Variants in ALDH1L2 observed in about 807,000 individuals in gnomAD.
ALDH1L2 encodes the protein mitochondrial 10-formyltetrahydrofolate dehydrogenase.
ALDH1L2 carries 91 observed loss-of-function variants against 111.0 expected under a neutral mutation model. The ratio of observed to expected loss-of-function variants is 0.82; its 90% CI spans 0.69 to 0.98. The LOEUF (loss-of-function observed/expected upper bound fraction) is 0.98. Among genes scored for constraint, ALDH1L2 ranks in the 50% least tolerant of loss-of-function variants. The pLI, the probability that ALDH1L2 is intolerant of heterozygous loss-of-function variation, is 0.00. For missense variants in ALDH1L2, 995 were observed against 1,126.8 expected (o/e 0.88, Z 1.67); for synonymous variants, 374 against 392.6 (o/e 0.95, Z 0.56).
rs373147042 is a variant in ALDH1L2, at chr12:105,036,068, G to A, written c.2146-1670C>T. 1.1e-4 allele frequency among the ~76,000 whole-genome samples: 7 copies of A among 61,894 alleles called. 1 individual carries two copies. Among genetic ancestry groups the A allele is most frequent in the Non-Finnish European group, 1.7e-4 (7 of 40,014 alleles). The allele number at this position is 61,894 out of a possible 152,430, so 40.6% of individuals were successfully genotyped here. A position where few individuals can be genotyped will look rare whatever the true frequency, so the allele number is the denominator to read the frequency against. ...ATGTGTATATATATTATATATATAC[G>A]TATATTTATATATGTGTATATATTA... On this transcript the variant is annotated intron_variant, in intron 18 of 22. Coordinates refer to ENST00000258494, the MANE Select transcript of ALDH1L2 (RefSeq NM_001034173.4).
intron 10 of ALDH1L2, among the ~76,000 whole-genome samples, chr12:105,057,549 A>G (rs1422754761): frequency 1.3e-5 from 2 of 152,230 alleles, no homozygotes; most frequent in Admixed American, 1.3e-4. Context: ...ACTGTGGTAT[A>G]CTTATACAAT....
intron 1 of ALDH1L2, among the ~76,000 whole-genome samples, chr12:105,082,664 A>G (rs1438193721): frequency 6.6e-6 from 1 of 152,246 alleles, no homozygotes; most frequent in African/African-American, 2.4e-5. Context: ...AGAAACATCA[A>G]TAAACAGGTT....
chr12:105,040,507 A>G (rs1875468672), intron 16 of ALDH1L2, 100 bp downstream of exon 16: 3 of 1,053,790 alleles, frequency 2.8e-6, no homozygotes, highest in Non-Finnish European at 4.4e-6. Context: ...TAGTTTTAAT[A>G]CAGTTATAAT....
chr12:105,067,655 G>A (rs1441027307), intron 4 of ALDH1L2, among the ~76,000 whole-genome samples: 1 of 152,024 alleles, frequency 6.6e-6, no homozygotes, highest in Non-Finnish European at 1.5e-5. Context: ...CGAGGCCCAC[G>A]TGAGTTCAAG....
chr12:105,077,647 A>T (rs929315477), intron 1 of ALDH1L2, among the ~76,000 whole-genome samples: 1 of 151,686 alleles, frequency 6.6e-6, no homozygotes, highest in African/African-American at 2.4e-5. Context: ...TTGCTTTCCA[A>T]ATTGTCAAAT....
rs758853950 is a variant in ALDH1L2 at position 105,035,837 on chromosome 12, A to ATGTGTG, written c.2146-1440_2146-1439insCACACA. On this transcript the variant is annotated intron_variant, in intron 18 of 22. Coordinates refer to ENST00000258494, the MANE Select transcript of ALDH1L2 (RefSeq NM_001034173.4). ...ATATATAGTGTGTCTATATATATAT[A>ATGTGTG]TATGTGTGTGTGTGTGTGTGTGTGT... is the stretch of plus-strand genomic sequence containing the variant. Among the ~76,000 whole-genome samples, 19 of 95,640 alleles carry ATGTGTG rather than the reference A, an allele frequency of 2.0e-4. 3 individuals are homozygous for ATGTGTG. The highest frequency in any genetic ancestry group is 7.0e-4 in the African/African-American group (9 of 12,900). 62.7% of individuals were successfully genotyped at this position (95,640 alleles called of 152,430 possible). A position where few individuals can be genotyped will look rare whatever the true frequency, so the allele number is the denominator to read the frequency against.
chr12:105,027,502 G>C (rs977831785), intron 21 of ALDH1L2, among the ~76,000 whole-genome samples: 2 of 152,204 alleles, frequency 1.3e-5, no homozygotes, highest in African/African-American at 4.8e-5. Context: ...GGAGAGTAGG[G>C]TGGTTCTGTG....
chr12:105,030,489 G>T, intron 20 of ALDH1L2, 60 bp from the exon 21 acceptor site: 1 of 1,397,688 alleles, frequency 7.2e-7, no homozygotes, highest in Non-Finnish European at 9.9e-7. Context: ...TCAATTAATA[G>T]TCCTCTCACT....
intron 15 of ALDH1L2, among the ~76,000 whole-genome samples, chr12:105,045,459 A>G (rs2136067137): frequency 6.7e-6 from 1 of 148,874 alleles, no homozygotes; most frequent in African/African-American, 2.5e-5. Flanking sequence ...ATATCTACAT[A>G]TAATAATATA....
At chr12:105,063,102 A>G (rs988423529) in intron 6 of ALDH1L2, 80 bp from the exon 7 acceptor site, 1 of 1,414,964 alleles carries the variant, frequency 7.1e-7, no homozygotes, top group Non-Finnish European at 9.4e-7. Context: ...CATTCTCTGC[A>G]AAAACGCTGA....
intron 10 of ALDH1L2, among the ~76,000 whole-genome samples, chr12:105,056,923 C>A (rs761379410): frequency 6.6e-6 from 1 of 150,998 alleles, no homozygotes. Flanking sequence ...AATTAGACTT[C>A]ATCAAAATTA....
intron 10 of ALDH1L2, among the ~76,000 whole-genome samples, chr12:105,055,800 T>A (rs11613233): frequency 0.39 from 59,541 of 151,284 alleles, 12,882 homozygotes; most frequent in Middle Eastern, 0.62. Flanking sequence ...TAACTGAAAT[T>A]AAAAAATCAC....
intron 2 of ALDH1L2, among the ~76,000 whole-genome samples, chr12:105,072,700 G>A (rs749148660): frequency 8.5e-5 from 13 of 152,202 alleles, no homozygotes; most frequent in Non-Finnish European, 1.3e-4. Context: ...CAGGCAGGGC[G>A]TGGTGGCTCA....
chr12:105,079,581 G>A (rs192109978), intron 1 of ALDH1L2, among the ~76,000 whole-genome samples: 159 of 152,284 alleles, frequency 1.0e-3, no homozygotes, highest in African/African-American at 3.7e-3. Context: ...AGTAAAGGGA[G>A]AGACAGTCCA....
chr12:105,057,767 T>C (rs1251121845), intron 10 of ALDH1L2, among the ~76,000 whole-genome samples: 2 of 152,206 alleles, frequency 1.3e-5, no homozygotes, highest in Non-Finnish European at 2.9e-5. Flanking sequence ...TTTTGGAACA[T>C]TTTTTGTATG....
Position 105,049,960 on chromosome 12 carries a change from C to A in ALDH1L2, c.1634G>T (p.Gly545Val), listed in dbSNP as rs972175034. 27 of 1,612,534 alleles carry A rather than the reference C, an allele frequency of 1.7e-5. No individual in the cohort carries two copies. The highest frequency in any genetic ancestry group is 2.3e-5 in the Non-Finnish European group (27 of 1,179,260). The part of the protein sequence containing the change: ...VYTLALKTHI[G>V]MSVQTFRYFA... ...ATATCTGAATGTTTGCACAGACATT[C>A]CAATGTGTGTCTTCAGGGCCAAGGT... Residue 545 changes from glycine (G) to valine (V), a missense_variant, in exon 13 of 23, where the codon GGA becomes GTA. Transcript: ENST00000258494.
intron 2 of ALDH1L2, among the ~76,000 whole-genome samples, chr12:105,071,847 G>A (rs1565972825): frequency 6.7e-6 from 1 of 149,094 alleles, no homozygotes; most frequent in Admixed American, 6.7e-5. Context: ...AGCACTTTGA[G>A]AGACCAAGGC....
chr12:105,051,933 T>C (rs1876296544), intron 12 of ALDH1L2, among the ~76,000 whole-genome samples, 157 bp downstream of exon 12: 1 of 152,072 alleles, frequency 6.6e-6, no homozygotes, highest in Non-Finnish European at 1.5e-5. Context: ...TACAGGCACG[T>C]GCCACCACTC....
Position 105,022,553 on chromosome 12 carries a change from G to A in ALDH1L2, c.*1871C>T, listed in dbSNP as rs1388170799. 6.6e-6 allele frequency: 1 copy of A among 152,160 alleles called. No individual in the cohort carries two copies. The highest frequency in any genetic ancestry group is 1.5e-5 in the Non-Finnish European group (1 of 68,032). The allele number at this position is 152,160 out of a possible 1,614,324, so 9.4% of individuals were successfully genotyped here. On this transcript the variant is annotated 3_prime_UTR_variant, in exon 23 of 23. Transcript: ENST00000258494. ...TCATATTCTAAATCACATGAAATCA[G>A]TTAAAACATTTCACTTAAAAGTGAT...
Sources: allele counts gnomAD v4.1 joint callset (sites outside exome capture counted in the v4.1 genomes callset), GRCh38; gene constraint gnomAD v4.1.1; transcripts MANE v1.5; gene names NCBI Gene and HGNC (gene_info 2026-07-23, HGNC 2026-07-21).